The following CS variants were observed in gnomAD, a reference collection of about 807,000 sequenced individuals.
CS encodes citrate synthase, also known as citrate synthase, mitochondrial.
A neutral mutation model predicts 61.4 loss-of-function variants in CS; 13 were observed. The ratio of observed to expected loss-of-function variants is 0.21; its 90% CI spans 0.14 to 0.34. The LOEUF (loss-of-function observed/expected upper bound fraction) is 0.34. Among genes scored for constraint, CS ranks in the 10% least tolerant of loss-of-function variants. CS has a pLI of 1.00. For synonymous variants in CS, 159 were observed against 215.2 expected, an observed-to-expected ratio of 0.74 and a Z score of 2.29; for missense variants, 278 against 573.4, an observed-to-expected ratio of 0.48 and a Z score of 5.26.
intron 1 of CS, 142 bp downstream of exon 1, chr12:56,300,018 A>C: frequency 1.4e-6 from 1 of 730,768 alleles, no homozygotes; most frequent in Non-Finnish European, 2.2e-6. Flanking sequence ...AGCTTCACGC[A>C]GGGCTGGCGG....
chr12:56,288,135 T>A (rs1260457942), intron 1 of CS, among the ~76,000 whole-genome samples: 2 of 152,132 alleles, frequency 1.3e-5, no homozygotes, highest in African/African-American at 4.8e-5. Flanking sequence ...CACAGAATAG[T>A]CCCATGATAA....
intron 6 of CS, among the ~76,000 whole-genome samples, chr12:56,277,020 T>C (rs1362076047): frequency 6.6e-6 from 1 of 151,400 alleles, no homozygotes; most frequent in Non-Finnish European, 1.5e-5. Flanking sequence ...GCCAACATGG[T>C]GAAACCTGGT....
chr12:56,277,443 G>A, intron 6 of CS, among the ~76,000 whole-genome samples: 1 of 150,874 alleles, frequency 6.6e-6, no homozygotes, highest in East Asian at 2.0e-4. Context: ...AGCTTGCAGT[G>A]AGCCAAGATC....
intron 5 of CS, 98 bp from the exon 6 acceptor site, chr12:56,282,706 G>A (rs1428267935): frequency 2.0e-6 from 3 of 1,518,870 alleles, no homozygotes; most frequent in African/African-American, 1.4e-5. Context: ...ACCCAAGAGA[G>A]GTCAACCCAA....
In CS at chr12:56,286,783, G is replaced by A. The variant is rs1034349361; in HGVS notation, c.43-138C>T. ...AGTTTGACATAAGAAAGCTGTAAAA[G>A]TCCCCAAACAGTTTGGAAGGAGTTA... On this transcript the variant is annotated intron_variant, in intron 1 of 10. Coordinates refer to ENST00000351328, the MANE Select transcript of CS (RefSeq NM_004077.3). 1.1e-5 allele frequency: 8 copies of A among 748,698 alleles called. No homozygotes were observed. In the Admixed American group the frequency reaches 1.2e-4, roughly 11 times the overall value. 46.4% of individuals were successfully genotyped at this position (748,698 alleles called of 1,614,324 possible).
intron 6 of CS, among the ~76,000 whole-genome samples, chr12:56,280,046 G>C (rs972171518): frequency 1.3e-5 from 2 of 152,032 alleles, no homozygotes; most frequent in Non-Finnish European, 2.9e-5. Context: ...TTGGGGAAGA[G>C]GTGGGCGAAT....
intron 7 of CS, chr12:56,275,589 A>G (rs3782236): frequency 2.2e-5 from 4 of 182,734 alleles, no homozygotes; most frequent in South Asian, 9.9e-5. Flanking sequence ...AAAAAAAAAA[A>G]GCATCCTAAT....
intron 6 of CS, among the ~76,000 whole-genome samples, chr12:56,281,718 G>A (rs563237858): frequency 6.6e-6 from 1 of 152,140 alleles, no homozygotes; most frequent in South Asian, 2.1e-4. Context: ...TCACTATGTT[G>A]CCCAGGCTGA....
At chr12:56,299,910 G>A in intron 1 of CS, 1 of 451,550 alleles carries the variant, frequency 2.2e-6, no homozygotes, top group South Asian at 2.4e-5. Flanking sequence ...GGTGACAGCA[G>A]GGTCGGCCTC....
At chr12:56,300,056 G>T in intron 1 of CS, 104 bp downstream of exon 1, 1 of 1,171,342 alleles carries the variant, frequency 8.5e-7, no homozygotes, top group Admixed American at 2.8e-5. Flanking sequence ...CCTTTAAGGC[G>T]CGCAGGGTGC....
chr12:56,291,302 T>C, intron 1 of CS: 6 of 1,003,210 alleles, frequency 6.0e-6, no homozygotes, highest in Non-Finnish European at 7.2e-6. Context: ...GATAATTCCT[T>C]CCAGCTGTGG....
intron 6 of CS, among the ~76,000 whole-genome samples, chr12:56,277,570 GTA>G (rs1276271785): frequency 6.6e-6 from 1 of 150,784 alleles, no homozygotes; most frequent in Non-Finnish European, 1.5e-5. Context: ...AAAATTCACT[GTA>G]TGTGCCAAGG....
chr12:56,296,093 C>A (rs1375824488), intron 1 of CS, among the ~76,000 whole-genome samples: 1 of 151,216 alleles, frequency 6.6e-6, no homozygotes, highest in Non-Finnish European at 1.5e-5. Context: ...CAGGAAACTG[C>A]AACATAAGCA....
chr12:56,284,136 C>G (rs1872858148), intron 3 of CS, among the ~76,000 whole-genome samples: 1 of 151,430 alleles, frequency 6.6e-6, no homozygotes, highest in Non-Finnish European at 1.5e-5. Context: ...GCCTGGCCAA[C>G]AGGGTGAAAC....
rs892994429 is a variant in CS at position 56,273,021 on chromosome 12, A to C, written c.*63T>G. ...AAGTCTTTAAAGGCCCCCTGAAACA[A>C]AAGTATACTTTTTATTTAGGCTTCC... On this transcript the variant is annotated 3_prime_UTR_variant, in exon 11 of 11. Coordinates refer to ENST00000351328, the MANE Select transcript of CS (RefSeq NM_004077.3). 2.6e-5 allele frequency: 35 copies of C among 1,331,648 alleles called. No homozygotes were observed. The African/African-American group carries it at 5.0e-4, about 19-fold the overall frequency. 82.5% of individuals were successfully genotyped at this position (1,331,648 alleles called of 1,614,324 possible). A position where few individuals can be genotyped will look rare whatever the true frequency, so the allele number is the denominator to read the frequency against.
chr12:56,297,419 C>T (rs1483104713), intron 1 of CS, among the ~76,000 whole-genome samples: 2 of 152,188 alleles, frequency 1.3e-5, no homozygotes, highest in African/African-American at 4.8e-5. Context: ...AATTATGTGA[C>T]ATTTAAATTA....
chr12:56,296,432 AC>A (rs757152365), intron 1 of CS, among the ~76,000 whole-genome samples: 2 of 151,988 alleles, frequency 1.3e-5, no homozygotes. Context: ...CTCCAGCCCC[AC>A]CCCCCAAAAA....
At chr12:56,294,268 G>A (rs1873224625) in intron 1 of CS, among the ~76,000 whole-genome samples, 1 of 151,904 alleles carries the variant, frequency 6.6e-6, no homozygotes, top group East Asian at 1.9e-4. Flanking sequence ...GAGGTGAGGG[G>A]TTCAAGACCA....
At chr12:56,292,535 C>T (rs997205572) in intron 1 of CS, among the ~76,000 whole-genome samples, 7 of 151,606 alleles carry the variant, frequency 4.6e-5, no homozygotes, top group African/African-American at 7.3e-5. Context: ...CTCCTTTGCT[C>T]GGTGTACTCT....
Sources: gnomAD v4.1 joint callset for allele counts (sites outside exome capture counted in the v4.1 genomes callset) on GRCh38, gnomAD v4.1.1 for gene constraint, MANE v1.5 for transcripts, NCBI Gene and HGNC (gene_info 2026-07-23, HGNC 2026-07-21) for gene names.